RPAP1: variants seen among roughly 807,000 people sequenced by gnomAD.
The protein encoded by RPAP1 is RNA polymerase II associated protein 1.
In RPAP1, 109 loss-of-function variants were observed where a neutral mutation model predicts 142.4. The ratio of observed to expected loss-of-function variants is 0.77; its 90% CI spans 0.66 to 0.90. The LOEUF (loss-of-function observed/expected upper bound fraction) is 0.90. RPAP1 is among the 40% of genes least tolerant of loss of function. RPAP1 has a pLI of 0.00. For synonymous variants in RPAP1, 704 were observed against 738.9 expected (o/e 0.95, Z 0.77); for missense variants, 1,546 against 1,751.7 (o/e 0.88, Z 2.10).
At chr15:41,524,050 G>C in intron 16 of RPAP1, 46 bp downstream of exon 16, 23 of 1,601,062 alleles carry the variant, frequency 1.4e-5, no homozygotes, top group Non-Finnish European at 2.0e-5. Context: ...CCCCAGCCCT[G>C]TGGAGGAGCC....
intron 1 of RPAP1, among the ~76,000 whole-genome samples, 178 bp from the exon 2 acceptor site, chr15:41,537,379 T>G (rs2051922830): frequency 6.6e-6 from 1 of 152,106 alleles, no homozygotes; most frequent in African/African-American, 2.4e-5. Context: ...GCAACAATAT[T>G]TATAGCCAAC....
intron 7 of RPAP1, 90 bp downstream of exon 7, chr15:41,530,933 C>G: frequency 5.8e-5 from 71 of 1,220,272 alleles, no homozygotes; most frequent in Non-Finnish European, 7.5e-5. Context: ...AGCACAGAAG[C>G]TTCTCTCTTC....
chr15:41,542,282 C>T lies in RPAP1; in HGVS notation c.-77+1937G>A, dbSNP rs572214643. Among the ~76,000 whole-genome samples, 23 of 152,180 alleles carry T rather than the reference C, an allele frequency of 1.5e-4. 1 individual carries two copies. In the South Asian group the frequency reaches 4.8e-3, roughly 32 times the overall value. ...AGGTCTTCCTTTGGTCAATGATGTACCCAAAGTTGGGGTGAGAGAATATGG... is the reference window on the plus strand; with the variant it reads ...AGGTCTTCCTTTGGTCAATGATGTATCCAAAGTTGGGGTGAGAGAATATGG... On this transcript the variant is annotated intron_variant, in intron 1 of 24. Transcript: ENST00000304330.
chr15:41,538,775 G>C (rs1595489864), intron 1 of RPAP1, among the ~76,000 whole-genome samples: 5 of 152,240 alleles, frequency 3.3e-5, no homozygotes, highest in African/African-American at 1.2e-4. Flanking sequence ...TTAACATAGA[G>C]ACCTTACATT....
At chr15:41,533,067 G>A (rs1008475225) in intron 6 of RPAP1, among the ~76,000 whole-genome samples, 1 of 144,704 alleles carries the variant, frequency 6.9e-6, no homozygotes, top group Non-Finnish European at 1.5e-5. Flanking sequence ...CTTATAAGGT[G>A]TGTGACCTGG....
At chr15:41,536,319 T>C in intron 3 of RPAP1, 101 bp from the exon 4 acceptor site, 1 of 1,340,268 alleles carries the variant, frequency 7.5e-7, no homozygotes, top group Non-Finnish European at 1.1e-6. Context: ...AACCTCACTC[T>C]GGGGGGTTAC....
rs1309050959 is a variant in RPAP1, at chr15:41,529,422, T to C, written c.1158+48A>G. The C allele has an allele frequency of 7.2e-6, 9 of 1,247,208 alleles. No individual in the cohort carries two copies. The Admixed American group carries it at 1.1e-4, about 16-fold the overall frequency. 77.3% of individuals were successfully genotyped at this position (1,247,208 alleles called of 1,614,324 possible). ...GCAGTTGACCAGAGATCCTTTTCCATGGGGTTGTTAAAAGAGCTGCCCCAT... is the reference window on the plus strand; with the variant it reads ...GCAGTTGACCAGAGATCCTTTTCCACGGGGTTGTTAAAAGAGCTGCCCCAT... On this transcript the variant is annotated intron_variant, in intron 9 of 24. Transcript: ENST00000304330.
At chr15:41,528,184 G>T (rs769568680) in intron 10 of RPAP1, 51 bp downstream of exon 10, 1 of 1,535,302 alleles carries the variant, frequency 6.5e-7, no homozygotes. Context: ...GAAGTCTGAG[G>T]CTGTGGGGTG....
chr15:41,524,190 G>A lies in RPAP1; in HGVS notation c.2140C>T (p.Pro714Ser), dbSNP rs1309586460. The change falls in exon 16 of 25, where the codon CCT becomes TCT. Residue 714 changes from proline (P) to serine (S), a missense_variant. Pro to Ser is a moderately conservative substitution (Grantham distance 74, BLOSUM62 -1). Transcript: ENST00000304330. ...VVPRELSTHP[P>S]QPLSMQRIAS... ...ATCCGCTGCATGGACAGGGGTTGAG[G>A]TGGGTGGGTGCTGAGCTCCCGCGGC... is the stretch of plus-strand genomic sequence containing the variant. 1 of 1,590,574 alleles carries A rather than the reference G, an allele frequency of 6.3e-7. No individual in the cohort carries two copies. The highest frequency in any genetic ancestry group is 1.3e-5 in the African/African-American group (1 of 74,408).
intron 3 of RPAP1, 130 bp from the exon 4 acceptor site, chr15:41,536,348 G>T: frequency 7.6e-7 from 1 of 1,312,198 alleles, no homozygotes. Flanking sequence ...CTCCCTTCAG[G>T]GCAGTGATTC....
Position 41,527,903 on chromosome 15 carries a change from G to A in RPAP1, c.1385C>T (p.Ala462Val), listed in dbSNP as rs2051811217. 2 of 1,613,930 alleles carry A rather than the reference G, an allele frequency of 1.2e-6. No homozygotes were observed. Among genetic ancestry groups the A allele is most frequent in the Non-Finnish European group, 1.7e-6 (2 of 1,180,036 alleles). ...DDRVDGVIAT[A>V]IRALRALLVA... is the part of the protein sequence containing the mutation. Reference sequence around the variant, plus strand: ...CAGCAGAGCCCGAAGAGCACGGATGGCGGTTGCAATGACCCCATCCACTCT... The same window carrying A: ...CAGCAGAGCCCGAAGAGCACGGATGACGGTTGCAATGACCCCATCCACTCT... Residue 462 changes from alanine to valine, a missense_variant, in exon 11 of 25, where the codon GCC (alanine) becomes GTC (valine). Physicochemically the swap from Ala to Val is moderately conservative, Grantham distance 64. Around this residue, in one of 3 missense-constraint regions of RPAP1, gnomAD observed 1,333 missense variants for 1,486.6 expected, o/e 0.90. Coordinates refer to ENST00000304330, the MANE Select transcript of RPAP1 (RefSeq NM_015540.4).
chr15:41,523,040 A>G (rs1035933742), intron 18 of RPAP1, 80 bp from the exon 19 acceptor site: 7 of 1,242,610 alleles, frequency 5.6e-6, no homozygotes, highest in Admixed American at 3.1e-5. Flanking sequence ...GTCTGTACCT[A>G]AGACTAACGG....
At chr15:41,531,627 ATTTTTTTTTTTTTTTTTTT>A (rs150550154) in intron 6 of RPAP1, among the ~76,000 whole-genome samples, 1 of 22,032 alleles carries the variant, frequency 4.5e-5, no homozygotes, top group African/African-American at 2.2e-4. Context: ...ATATATATAT[ATTTTTTTTTTTTTTTTTTT>A]TTTTTTTTTT....
intron 2 of RPAP1, 93 bp downstream of exon 2, chr15:41,536,852 A>G (rs62001440): frequency 1.4e-6 from 2 of 1,469,866 alleles, no homozygotes; most frequent in Admixed American, 2.0e-5. Context: ...CTGAAATAAT[A>G]ATGATGTGTC....
chr15:41,517,857 C>G lies in RPAP1; in HGVS notation c.3973G>C (p.Asp1325His), dbSNP rs770534408. The G allele has an allele frequency of 6.2e-7, 1 of 1,614,152 alleles. No homozygotes were observed. The highest frequency in any genetic ancestry group is 2.2e-5 in the East Asian group (1 of 44,884). The change falls in exon 24 of 25, where the codon GAT (aspartate) becomes CAT (histidine). Residue 1325 changes from aspartate to histidine, a missense_variant and splice_region_variant. Asp to His is a moderately conservative substitution (Grantham distance 81). Coordinates refer to ENST00000304330, the MANE Select transcript of RPAP1 (RefSeq NM_015540.4). ...CTCCTGCGGGCAGCTTTGACCTCAT[C>G]CTAGAAGCAGAACAGGGAGAGGTGG... is the stretch of plus-strand genomic sequence containing the variant. ...FIFSQDPQSS[D>H]EVKAARRSML...
chr15:41,534,977 G>A, intron 5 of RPAP1, 42 bp from the exon 6 acceptor site: 1 of 1,591,236 alleles, frequency 6.3e-7, no homozygotes. Flanking sequence ...CTGTCCTCCA[G>A]GGCTCTAACT....
At chr15:41,543,966 T>C (rs968853349) in intron 1 of RPAP1, 1 of 152,226 alleles carries the variant, frequency 6.6e-6, no homozygotes, top group Non-Finnish European at 1.5e-5. Context: ...GACGCGTGAC[T>C]GCCCTTACCG....
At position 41,517,374 on chromosome 15, in the gene RPAP1, G is replaced by T; in HGVS notation, c.*168C>A. The T allele has an allele frequency of 1.7e-6, 1 of 571,902 alleles. No individual in the cohort carries two copies. The highest frequency in any genetic ancestry group is 3.0e-6 in the Non-Finnish European group (1 of 331,416). 35.4% of individuals were successfully genotyped at this position (571,902 alleles called of 1,614,324 possible). A position where few individuals can be genotyped will look rare whatever the true frequency, so the allele number is the denominator to read the frequency against. On this transcript the variant is annotated 3_prime_UTR_variant, in exon 25 of 25. Coordinates refer to ENST00000304330, the MANE Select transcript of RPAP1 (RefSeq NM_015540.4). ...CCCAGATATCAGGATGTAATGGTAGGGCTCACTGCTCTAAAACAGCTCAAA... is the reference window on the plus strand; with the variant it reads ...CCCAGATATCAGGATGTAATGGTAGTGCTCACTGCTCTAAAACAGCTCAAA...
chr15:41,539,814 G>A (rs1438213999), intron 1 of RPAP1, among the ~76,000 whole-genome samples: 1 of 151,902 alleles, frequency 6.6e-6, no homozygotes, highest in Non-Finnish European at 1.5e-5. Context: ...GAGACAGGTG[G>A]CTCACGAGGT....
Sources: gnomAD v4.1 joint callset for allele counts (sites outside exome capture counted in the v4.1 genomes callset) on GRCh38, gnomAD v4.1.1 for gene constraint, gnomAD v4.1.1 regional missense constraint, MANE v1.5 for transcripts, NCBI Gene and HGNC (gene_info 2026-07-23, HGNC 2026-07-21) for gene names.